Variants in RAB11FIP4 observed in about 807,000 individuals in gnomAD.
The protein encoded by RAB11FIP4 is RAB11 family interacting protein 4.
In RAB11FIP4, 23 loss-of-function variants were observed where a neutral mutation model predicts 74.3. The observed-to-expected ratio is 0.31, with a 90% CI of 0.22 to 0.44. The LOEUF is 0.44. RAB11FIP4 is among the 20% of genes least tolerant of loss of function. RAB11FIP4 has a pLI of 1.00. For missense variants in RAB11FIP4, 630 were observed against 863.9 expected, an observed-to-expected ratio of 0.73 and a Z score of 3.39; for synonymous variants, 360 against 359.9, an observed-to-expected ratio of 1.00 and a Z score of 0.00.
chr17:31,409,886 G>A (rs149889824), intron 1 of RAB11FIP4, among the ~76,000 whole-genome samples: 1 of 152,334 alleles, frequency 6.6e-6, no homozygotes, highest in East Asian at 1.9e-4. Context: ...TGATTTGGAA[G>A]CAAGTTCCTC....
chr17:31,471,182 C>G (rs991394569), intron 3 of RAB11FIP4, among the ~76,000 whole-genome samples: 3 of 151,582 alleles, frequency 2.0e-5, no homozygotes, highest in African/African-American at 7.3e-5. Context: ...TCCACCCCAA[C>G]CTCCTGTGTA....
chr17:31,407,465 C>T (rs926934641), intron 1 of RAB11FIP4, among the ~76,000 whole-genome samples: 1 of 152,166 alleles, frequency 6.6e-6, no homozygotes, highest in African/African-American at 2.4e-5. Context: ...GACCTTTCTC[C>T]CATAAATACT....
intron 4 of RAB11FIP4, among the ~76,000 whole-genome samples, chr17:31,520,139 A>G (rs2072635353): frequency 1.3e-5 from 2 of 152,158 alleles, no homozygotes; most frequent in Non-Finnish European, 2.9e-5. Context: ...ATAACACAGT[A>G]TAACAACTAT....
At chr17:31,510,928 G>C (rs2072440722) in intron 3 of RAB11FIP4, among the ~76,000 whole-genome samples, 1 of 152,134 alleles carries the variant, frequency 6.6e-6, no homozygotes, top group Non-Finnish European at 1.5e-5. Flanking sequence ...GGCTGAGCTG[G>C]GAGGATCACT....
intron 3 of RAB11FIP4, among the ~76,000 whole-genome samples, chr17:31,497,129 C>T (rs932345734): frequency 6.6e-6 from 1 of 152,128 alleles, no homozygotes; most frequent in African/African-American, 2.4e-5. Flanking sequence ...TTTGGGAGGC[C>T]AACGCGGGCG....
chr17:31,400,868 C>G (rs1479189833), intron 1 of RAB11FIP4, among the ~76,000 whole-genome samples: 2 of 152,192 alleles, frequency 1.3e-5, no homozygotes, highest in Admixed American at 6.5e-5. Flanking sequence ...CTGGCACATC[C>G]TGGGCTCTTT....
chr17:31,531,774 C>A lies in RAB11FIP4; in HGVS notation c.*42C>A. 1 of 1,332,592 alleles carries A rather than the reference C, an allele frequency of 7.5e-7. No individual in the cohort carries two copies. Among genetic ancestry groups the A allele is most frequent in the Non-Finnish European group, 1.1e-6 (1 of 925,764 alleles). The allele number at this position is 1,332,592 out of a possible 1,614,324, so 82.5% of individuals were successfully genotyped here. ...CAGAGCAGCCTTAGGACCCTGGGAC[C>A]AAGGGCAGACCCTGCCCAAGGATGC... On this transcript the variant is annotated 3_prime_UTR_variant, in exon 15 of 15. Coordinates refer to ENST00000621161, the MANE Select transcript of RAB11FIP4 (RefSeq NM_032932.6).
chr17:31,431,798 G>A lies in RAB11FIP4; in HGVS notation c.160-15G>A. The A allele has an allele frequency of 1.3e-6, 2 of 1,597,936 alleles. No individual in the cohort carries two copies. Among genetic ancestry groups the A allele is most frequent in the Non-Finnish European group, 1.7e-6 (2 of 1,166,248 alleles). On this transcript the variant is annotated splice_polypyrimidine_tract_variant and intron_variant, in intron 1 of 14. Transcript: ENST00000621161. The stretch of plus-strand genomic sequence containing the variant: ...CCTTGGGTGTCTCACACCTGTCCCT[G>A]CTTCATTCCCACAGGTGGAAAAACT...
At chr17:31,511,778 G>A (rs1032704435) in intron 3 of RAB11FIP4, among the ~76,000 whole-genome samples, 2 of 152,216 alleles carry the variant, frequency 1.3e-5, no homozygotes, top group East Asian at 1.9e-4. Context: ...AGGCTGGGAC[G>A]GCCCCCACGT....
intron 3 of RAB11FIP4, among the ~76,000 whole-genome samples, chr17:31,467,166 G>A: frequency 6.6e-6 from 1 of 151,834 alleles, no homozygotes; most frequent in East Asian, 1.9e-4. Context: ...AGGCTGGAGT[G>A]CAGTGGCATG....
intron 3 of RAB11FIP4, among the ~76,000 whole-genome samples, chr17:31,473,147 G>A (rs2071756406): frequency 6.6e-6 from 1 of 152,114 alleles, no homozygotes; most frequent in Non-Finnish European, 1.5e-5. Flanking sequence ...AATGGAAGGA[G>A]GACCCGGGCA....
Position 31,391,800 on chromosome 17 carries a change from A to C in RAB11FIP4, c.-53A>C. On this transcript the variant is annotated 5_prime_UTR_variant, in exon 1 of 15. Transcript: ENST00000621161. ...GCGCGCGGCGATGGCGGCGGCGGGCAGGCGGCGGGCGCGGCGGGCGAGGGG... is the reference window on the plus strand; with the variant it reads ...GCGCGCGGCGATGGCGGCGGCGGGCCGGCGGCGGGCGCGGCGGGCGAGGGG... 2 of 976,174 alleles carry C rather than the reference A, an allele frequency of 2.0e-6. No individual in the cohort carries two copies. Among genetic ancestry groups the C allele is most frequent in the Non-Finnish European group, 2.4e-6 (2 of 824,288 alleles). The allele number at this position is 976,174 out of a possible 1,614,324, so 60.5% of individuals were successfully genotyped here.
At chr17:31,472,570 G>T (rs1597937614) in intron 3 of RAB11FIP4, among the ~76,000 whole-genome samples, 1 of 152,212 alleles carries the variant, frequency 6.6e-6, no homozygotes, top group East Asian at 1.9e-4. Flanking sequence ...TGCGGTCTGA[G>T]GGGAGAAGCA....
chr17:31,426,661 C>T (rs1290229603), intron 1 of RAB11FIP4, among the ~76,000 whole-genome samples: 2 of 143,686 alleles, frequency 1.4e-5, no homozygotes, highest in African/African-American at 5.2e-5. Context: ...TGCAATGGCA[C>T]CATCTTGGCT....
intron 3 of RAB11FIP4, among the ~76,000 whole-genome samples, chr17:31,501,293 T>A (rs2072216121): frequency 6.8e-6 from 1 of 147,514 alleles, no homozygotes; most frequent in Admixed American, 6.7e-5. Flanking sequence ...TACGTCCTGA[T>A]AAACCCATTG....
At chr17:31,527,661 G>C in intron 10 of RAB11FIP4, 181 bp from the exon 11 acceptor site, 1 of 548,022 alleles carries the variant, frequency 1.8e-6, no homozygotes, top group Non-Finnish European at 3.3e-6. Context: ...TTACTATTTT[G>C]CTTTGGCTGA....
At chr17:31,467,288 T>C (rs1258415755) in intron 3 of RAB11FIP4, among the ~76,000 whole-genome samples, 4 of 152,084 alleles carry the variant, frequency 2.6e-5, no homozygotes, top group African/African-American at 9.7e-5. Flanking sequence ...ATTTTTGTAT[T>C]TTTAGTAGAG....
chr17:31,460,339 G>A (rs923173004), intron 3 of RAB11FIP4, among the ~76,000 whole-genome samples: 1 of 152,114 alleles, frequency 6.6e-6, no homozygotes, highest in South Asian at 2.1e-4. Context: ...GAGCATGGAC[G>A]TCAAGAGTCA....
chr17:31,486,577 C>T (rs1597946610), intron 3 of RAB11FIP4, among the ~76,000 whole-genome samples: 1 of 152,244 alleles, frequency 6.6e-6, no homozygotes, highest in South Asian at 2.1e-4. Flanking sequence ...CACATCCAAC[C>T]AACATGTGTG....
Sources: gnomAD v4.1 joint callset for allele counts (sites outside exome capture counted in the v4.1 genomes callset) on GRCh38, gnomAD v4.1.1 for gene constraint, MANE v1.5 for transcripts, NCBI Gene and HGNC (gene_info 2026-07-23, HGNC 2026-07-21) for gene names.